The following ARHGEF17 variants were observed in gnomAD, a reference collection of about 807,000 sequenced individuals.
The protein encoded by ARHGEF17 is Rho guanine nucleotide exchange factor 17.
Under a neutral mutation model 174.0 loss-of-function variants are expected in ARHGEF17, and 80 were observed. The observed-to-expected ratio is 0.46, with a 90% CI of 0.38 to 0.55. The LOEUF is 0.55. ARHGEF17 is among the 20% of genes least tolerant of loss of function. The pLI, the probability that ARHGEF17 is intolerant of heterozygous loss-of-function variation, is 0.00. For missense variants in ARHGEF17, 2,886 were observed against 2,839.7 expected, an observed-to-expected ratio of 1.02 and a Z score of -0.37; for synonymous variants, 1,311 against 1,189.1, an observed-to-expected ratio of 1.10 and a Z score of -2.11.
chr11:73,325,204 C>T (rs550430157), intron 1 of ARHGEF17, among the ~76,000 whole-genome samples: 1 of 152,332 alleles, frequency 6.6e-6, no homozygotes, highest in African/African-American at 2.4e-5. Context: ...CCCAGACCCG[C>T]AGCCAGCCCA....
intron 1 of ARHGEF17, among the ~76,000 whole-genome samples, chr11:73,340,346 C>G (rs887943701): frequency 6.6e-6 from 1 of 152,214 alleles, no homozygotes; most frequent in Non-Finnish European, 1.5e-5. Flanking sequence ...TCAGTGAACT[C>G]TGTCTTCTGG....
intron 1 of ARHGEF17, among the ~76,000 whole-genome samples, chr11:73,316,086 A>C (rs1864925099): frequency 6.6e-6 from 1 of 152,222 alleles, no homozygotes; most frequent in Non-Finnish European, 1.5e-5. Context: ...ACTAGCCTGG[A>C]AACTGGCCGA....
Position 73,310,814 on chromosome 11 carries a change from G to A in ARHGEF17, c.2176G>A (p.Glu726Lys). Residue 726 changes from glutamate (E) to lysine (K), a missense_variant, in exon 1 of 21, where the codon GAG becomes AAG. This residue lies in a region of ARHGEF17 where 1,728 missense variants were observed against 1,461.2 expected (regional missense o/e 1.18). Transcript: ENST00000263674. ...GSGGSELSNG[E>K]AGEAYRSLSD... ...TGGTGGGAGCGAATTGAGCAATGGG[G>A]AGGCAGGGGAGGCCTACAGGTCCCT... 6.2e-7 allele frequency: 1 copy of A among 1,612,014 alleles called. No homozygotes were observed. The highest frequency in any genetic ancestry group is 8.5e-7 in the Non-Finnish European group (1 of 1,179,672).
intron 1 of ARHGEF17, chr11:73,343,148 G>C (rs1218399055): frequency 2.5e-6 from 1 of 394,852 alleles, no homozygotes; most frequent in Non-Finnish European, 4.5e-6. Flanking sequence ...GCCGCATGCT[G>C]CAGATGGTGA....
Position 73,309,019 on chromosome 11 carries a change from C to A in ARHGEF17, c.381C>A (p.Thr127=). The A allele has an allele frequency of 7.0e-7, 1 of 1,419,264 alleles. No individual in the cohort carries two copies. The highest frequency in any genetic ancestry group is 3.0e-5 in the East Asian group (1 of 33,108). 87.9% of individuals were successfully genotyped at this position (1,419,264 alleles called of 1,614,324 possible). Residue 127 remains threonine, a synonymous_variant, in exon 1 of 21, where the codon ACC becomes ACA. Transcript: ENST00000263674. Reference sequence around the variant, plus strand: ...CGCGAGGAGCCTGGCCCAGCGTCACCGAGATGCGCAAGCTCTTCGGCGGTC... The same window carrying A: ...CGCGAGGAGCCTGGCCCAGCGTCACAGAGATGCGCAAGCTCTTCGGCGGTC... ...GPARGAWPSV[T]EMRKLFGGPG... is the part of the protein sequence containing the mutation.
Position 73,365,904 on chromosome 11 carries a change from C to T in ARHGEF17, c.5952C>T (p.Gly1984=). 1.2e-6 allele frequency: 2 copies of T among 1,607,948 alleles called. No individual in the cohort carries two copies. The highest frequency in any genetic ancestry group is 1.7e-6 in the Non-Finnish European group (2 of 1,179,990). The stretch of plus-strand genomic sequence containing the variant: ...TGGCTGCAGTCCAGCTGCCAGATGG[C>T]TTCAACCTGCTCTGCCCAACCCCAC... The part of the protein sequence containing the change: ...RFLAAVQLPD[G]FNLLCPTPPP... Residue 1984 remains glycine (G), a synonymous_variant, in exon 20 of 21, where the codon GGC becomes GGT. Coordinates refer to ENST00000263674, the MANE Select transcript of ARHGEF17 (RefSeq NM_014786.4). This position sits in a 1 kb window ranked among gnomAD's most constrained non-coding sequence, Gnocchi z 4.9.
At position 73,368,752 on chromosome 11, in the gene ARHGEF17, C is replaced by T. The variant is rs984006040; in HGVS notation, c.*972C>T. ...CACTGAATCCGTCTCCACACCCCTTCTGCCAAGGGAAGCCCCTTCAGGAAG... is the reference window on the plus strand; with the variant it reads ...CACTGAATCCGTCTCCACACCCCTTTTGCCAAGGGAAGCCCCTTCAGGAAG... On this transcript the variant is annotated 3_prime_UTR_variant, in exon 21 of 21. Transcript: ENST00000263674. The T allele has an allele frequency of 6.6e-6, 1 of 152,484 alleles. No homozygotes were observed. Among genetic ancestry groups the T allele is most frequent in the African/African-American group, 2.4e-5 (1 of 41,426 alleles). 9.4% of individuals were successfully genotyped at this position (152,484 alleles called of 1,614,324 possible). A position where few individuals can be genotyped will look rare whatever the true frequency, so the allele number is the denominator to read the frequency against.
intron 1 of ARHGEF17, among the ~76,000 whole-genome samples, chr11:73,330,777 G>T (rs1376211682): frequency 5.9e-5 from 9 of 152,264 alleles, no homozygotes; most frequent in Non-Finnish European, 1.3e-4. Flanking sequence ...GGTGGAGGCA[G>T]AGAGTAAGAC....
intron 14 of ARHGEF17, 43 bp from the exon 15 acceptor site, chr11:73,363,163 C>T (rs750636147): frequency 1.7e-5 from 25 of 1,486,106 alleles, no homozygotes; most frequent in Non-Finnish European, 2.1e-5. Flanking sequence ...AGGTCCCAGG[C>T]CTGGCAGAGG....
chr11:73,318,663 TC>T (rs1459925545), intron 1 of ARHGEF17, among the ~76,000 whole-genome samples: 1 of 152,040 alleles, frequency 6.6e-6, no homozygotes, highest in Non-Finnish European at 1.5e-5. Context: ...AAACAAAACT[TC>T]CTATGGTTTC....
chr11:73,368,011 G>A lies in ARHGEF17; in HGVS notation c.*231G>A. ...CCCCGGTGCTTCCAGTCATGATCGG[G>A]TGGGGGACATGTGGGCTGACCAGGA... On this transcript the variant is annotated 3_prime_UTR_variant, in exon 21 of 21. Coordinates refer to ENST00000263674, the MANE Select transcript of ARHGEF17 (RefSeq NM_014786.4). The A allele has an allele frequency of 2.0e-6, 1 of 497,828 alleles. No homozygotes were observed. The highest frequency in any genetic ancestry group is 3.6e-6 in the Non-Finnish European group (1 of 277,726). The allele number at this position is 497,828 out of a possible 1,614,324, so 30.8% of individuals were successfully genotyped here.
At chr11:73,323,834 G>A (rs1433804424) in intron 1 of ARHGEF17, among the ~76,000 whole-genome samples, 3 of 152,264 alleles carry the variant, frequency 2.0e-5, no homozygotes, top group East Asian at 3.8e-4. Context: ...TCACCTGGAC[G>A]TGGTGCCTGG....
chr11:73,320,661 ATT>A (rs1400325672), intron 1 of ARHGEF17, among the ~76,000 whole-genome samples: 17 of 109,246 alleles, frequency 1.6e-4, no homozygotes, highest in Admixed American at 1.7e-4. Flanking sequence ...GATGATGATG[ATT>A]TTTTTTTTTT....
Position 73,310,905 on chromosome 11 carries a change from A to C in ARHGEF17, c.2267A>C (p.Asp756Ala). 1 of 1,613,438 alleles carries C rather than the reference A, an allele frequency of 6.2e-7. No homozygotes were observed. Among genetic ancestry groups the C allele is most frequent in the South Asian group, 1.1e-5 (1 of 91,080 alleles). Residue 756 changes from aspartate (D) to alanine (A), a missense_variant, in exon 1 of 21, where the codon GAC (aspartate) becomes GCC (alanine). Asp to Ala is a moderately radical substitution (Grantham distance 126). This residue lies in a region of ARHGEF17 where 1,728 missense variants were observed against 1,461.2 expected (regional missense o/e 1.18). Transcript: ENST00000263674. ...GAAGAGCCTACTGGGTTCTCTGTGG[A>C]CAGCAACCTCCTGGGCTCACTGAGC... Reference protein sequence around the residue: ...TSEEPTGFSVDSNLLGSLSPK... With the variant: ...TSEEPTGFSVASNLLGSLSPK...
rs1466058962 is a variant in ARHGEF17, at chr11:73,311,431, C to T, written c.2793C>T (p.His931=). The change falls in exon 1 of 21, where the codon CAC becomes CAT. Residue 931 remains histidine (H), a synonymous_variant. Coordinates refer to ENST00000263674, the MANE Select transcript of ARHGEF17 (RefSeq NM_014786.4). ...GSKKRPARSS[H]QELRRDEGSQ... The stretch of plus-strand genomic sequence containing the variant: ...AGAAGCGCCCAGCTCGGAGTAGTCA[C>T]CAGGAGCTTCGGAGAGACGAGGGCA... 2 of 1,613,252 alleles carry T rather than the reference C, an allele frequency of 1.2e-6. No homozygotes were observed. Among genetic ancestry groups the T allele is most frequent in the South Asian group, 1.1e-5 (1 of 91,092 alleles).
chr11:73,338,254 A>C (rs1163459097), intron 1 of ARHGEF17, among the ~76,000 whole-genome samples: 1 of 152,154 alleles, frequency 6.6e-6, no homozygotes, highest in Non-Finnish European at 1.5e-5. Flanking sequence ...TGAGGCCCCA[A>C]GAAGTGAAGT....
intron 4 of ARHGEF17, 79 bp downstream of exon 4, chr11:73,355,728 G>A (rs1026852300): frequency 1.2e-5 from 19 of 1,555,130 alleles, no homozygotes; most frequent in Non-Finnish European, 1.6e-5. Flanking sequence ...CTCCCAGCGT[G>A]GGTACCATAG....
chr11:73,311,363 C>G lies in ARHGEF17; in HGVS notation c.2725C>G (p.Leu909Val). 1.2e-6 allele frequency: 2 copies of G among 1,613,362 alleles called. No individual in the cohort carries two copies. The highest frequency in any genetic ancestry group is 1.7e-6 in the Non-Finnish European group (2 of 1,180,048). ...AHRNFHLDPK[L>V]ADILSPRLIR... ...CCGAAACTTTCACCTTGACCCCAAG[C>G]TGGCTGACATTCTGTCCCCGAGGCT... The change falls in exon 1 of 21, where the codon CTG (leucine) becomes GTG (valine). Residue 909 changes from leucine (L) to valine (V), a missense_variant. Transcript: ENST00000263674.
At chr11:73,346,085 G>A (rs1269439131) in intron 1 of ARHGEF17, among the ~76,000 whole-genome samples, 1 of 152,064 alleles carries the variant, frequency 6.6e-6, no homozygotes, top group Non-Finnish European at 1.5e-5. Flanking sequence ...TGGGTGCAGA[G>A]GCTGTGTGAC....
Sources: allele counts gnomAD v4.1 joint callset (sites outside exome capture counted in the v4.1 genomes callset), GRCh38; gene constraint gnomAD v4.1.1; regional missense constraint gnomAD v4.1.1; non-coding constraint Gnocchi (gnomAD v3.1); transcripts MANE v1.5; gene names NCBI Gene and HGNC (gene_info 2026-07-23, HGNC 2026-07-21).